PAPSS1: variants seen among roughly 807,000 people sequenced by gnomAD.
The protein encoded by PAPSS1 is 3'-phosphoadenosine 5'-phosphosulfate synthase 1, also known as bifunctional 3'-phosphoadenosine 5'-phosphosulfate synthase 1.
PAPSS1 carries 50 observed loss-of-function variants against 72.0 expected under a neutral mutation model. The observed-to-expected ratio is 0.69, with a 90% CI of 0.55 to 0.88. The LOEUF (loss-of-function observed/expected upper bound fraction) is 0.88. Ranked by LOEUF, PAPSS1 falls within the 40% of genes least tolerant of loss-of-function variation. The probability of loss-of-function intolerance (pLI) is 0.00; values close to 1 mark genes in which losing one functional copy is unlikely to be tolerated. For synonymous variants in PAPSS1, 261 were observed against 263.6 expected (o/e 0.99, Z 0.09); for missense variants, 657 against 782.2 (o/e 0.84, Z 1.91).
At chr4:107,712,734 G>A (rs1312313656) in intron 1 of PAPSS1, among the ~76,000 whole-genome samples, 10 of 151,926 alleles carry the variant, frequency 6.6e-5, no homozygotes, top group Admixed American at 3.9e-4. Flanking sequence ...TTAGCTGGGC[G>A]TGGTGACACG....
At chr4:107,672,734 T>C (rs6822182) in intron 5 of PAPSS1, among the ~76,000 whole-genome samples, 35,280 of 152,118 alleles carry the variant, frequency 0.23, 4,179 homozygotes, top group East Asian at 0.37. Flanking sequence ...TCTCCCAGCA[T>C]GCAGCTGGAG....
At chr4:107,673,877 A>G (rs1348313401) in intron 5 of PAPSS1, among the ~76,000 whole-genome samples, 1 of 152,236 alleles carries the variant, frequency 6.6e-6, no homozygotes, top group African/African-American at 2.4e-5. Context: ...GCCAGAAGAG[A>G]GTGGGGGCCA....
intron 5 of PAPSS1, among the ~76,000 whole-genome samples, chr4:107,674,362 A>G (rs1465161744): frequency 6.6e-6 from 1 of 152,252 alleles, no homozygotes; most frequent in African/African-American, 2.4e-5. Flanking sequence ...TGGAAAACAA[A>G]AAAAGGCAGG....
At chr4:107,639,642 C>T (rs184388445) in intron 10 of PAPSS1, among the ~76,000 whole-genome samples, 1 of 152,186 alleles carries the variant, frequency 6.6e-6, no homozygotes, top group Admixed American at 6.5e-5. Context: ...AATGAGAAGA[C>T]AAAATTATCA....
chr4:107,708,158 C>A (rs1207940801), intron 1 of PAPSS1, among the ~76,000 whole-genome samples: 4 of 152,120 alleles, frequency 2.6e-5, no homozygotes, highest in African/African-American at 9.7e-5. Flanking sequence ...AATACTTTTA[C>A]ATATTTAATA....
At chr4:107,700,465 G>A (rs1723176930) in intron 2 of PAPSS1, among the ~76,000 whole-genome samples, 1 of 152,172 alleles carries the variant, frequency 6.6e-6, no homozygotes, top group African/African-American at 2.4e-5. Flanking sequence ...CTGAATAATA[G>A]AAATTCACTT....
intron 2 of PAPSS1, among the ~76,000 whole-genome samples, chr4:107,699,185 A>G (rs1723146680): frequency 6.6e-6 from 1 of 152,186 alleles, no homozygotes; most frequent in Non-Finnish European, 1.5e-5. Flanking sequence ...AATCTTAGAT[A>G]CAATGCAATC....
chr4:107,657,997 A>G (rs1026956409), intron 6 of PAPSS1, among the ~76,000 whole-genome samples: 11 of 152,058 alleles, frequency 7.2e-5, no homozygotes, highest in African/African-American at 1.7e-4. Context: ...GCTGAATCCA[A>G]TCATAGGGCT....
At chr4:107,645,180 G>C in intron 9 of PAPSS1, 110 bp from the exon 10 acceptor site, 1 of 645,010 alleles carries the variant, frequency 1.6e-6, no homozygotes, top group Non-Finnish European at 2.3e-6. Flanking sequence ...CAAAACATAT[G>C]CAAACTCAGA....
chr4:107,614,802 T>A (rs1725776672), intron 11 of PAPSS1, among the ~76,000 whole-genome samples: 1 of 152,196 alleles, frequency 6.6e-6, no homozygotes, highest in Non-Finnish European at 1.5e-5. Flanking sequence ...TAATTTCTCT[T>A]ATGCACTTAA....
chr4:107,632,511 T>TA (rs11455598), intron 10 of PAPSS1, among the ~76,000 whole-genome samples: 36,555 of 148,040 alleles, frequency 0.25, 4,415 homozygotes, highest in East Asian at 0.37. Flanking sequence ...TAATACTAGT[T>TA]AAAAAAAAAA....
In PAPSS1 at chr4:107,631,685, C is replaced by T. The variant is rs757996244; in HGVS notation, c.1682G>A (p.Arg561Gln). 6 of 1,614,042 alleles carry T rather than the reference C, an allele frequency of 3.7e-6. No individual in the cohort carries two copies. The highest frequency in any genetic ancestry group is 2.2e-5 in the East Asian group (1 of 44,874). Residue 561 changes from arginine (R) to glutamine (Q), a missense_variant, in exon 11 of 12, where the codon CGA (arginine) becomes CAA (glutamine). Around this residue, in one of 7 missense-constraint regions of PAPSS1, gnomAD observed 103 missense variants for 93.8 expected, o/e 1.10. Transcript: ENST00000265174. Reference sequence around the variant, plus strand: ...CTTTTTCTTGTTGTAAGCTGCAACTCGAAAGGGAACTATTTCCAAAGTGAT... The same window carrying T: ...CTTTTTCTTGTTGTAAGCTGCAACTTGAAAGGGAACTATTTCCAAAGTGAT... ...GLITLEIVPFRVAAYNKKKKR... is the reference protein window; with the variant it reads ...GLITLEIVPFQVAAYNKKKKR...
intron 10 of PAPSS1, among the ~76,000 whole-genome samples, chr4:107,638,566 G>A (rs545259760): frequency 6.6e-6 from 1 of 152,106 alleles, no homozygotes; most frequent in African/African-American, 2.4e-5. Flanking sequence ...TGGGGGCTCA[G>A]AGTGGAGACA....
chr4:107,709,406 G>A (rs1487836474), intron 1 of PAPSS1, among the ~76,000 whole-genome samples: 2 of 152,088 alleles, frequency 1.3e-5, no homozygotes, highest in Non-Finnish European at 2.9e-5. Context: ...AGCTAACTTT[G>A]GGAGAAATTT....
chr4:107,684,096 C>T (rs2110337811), intron 4 of PAPSS1, among the ~76,000 whole-genome samples: 1 of 152,310 alleles, frequency 6.6e-6, no homozygotes, highest in African/African-American at 2.4e-5. Flanking sequence ...TACAAACACA[C>T]TCCCAGTTAT....
intron 7 of PAPSS1, among the ~76,000 whole-genome samples, chr4:107,656,355 A>T (rs1467071292): frequency 6.6e-6 from 1 of 152,160 alleles, no homozygotes; most frequent in Non-Finnish European, 1.5e-5. Context: ...ACCTCAGGTG[A>T]TCCACTTCCC....
In PAPSS1 at chr4:107,635,689, A is replaced by AAAAT. The variant is rs913989560; in HGVS notation, c.1507-3833_1507-3830dup. 1.1e-3 allele frequency among the ~76,000 whole-genome samples: 168 copies of AAAAT among 152,284 alleles called. 1 individual carries two copies. The highest frequency in any genetic ancestry group is 3.0e-3 in the African/African-American group (125 of 41,568). ...ACATTTTAAAAATAAAACCACTTAAAAAATAAATAAATAAATAAATAAAAC... is the reference window on the plus strand; with the variant it reads ...ACATTTTAAAAATAAAACCACTTAAAAAATAAATAAATAAATAAATAAATAAAAC... On this transcript the variant is annotated intron_variant, in intron 10 of 11. Transcript: ENST00000265174.
At chr4:107,693,637 G>T in intron 3 of PAPSS1, 134 bp downstream of exon 3, 1 of 639,804 alleles carries the variant, frequency 1.6e-6, no homozygotes, top group Non-Finnish European at 2.8e-6. Context: ...TATGTTACAG[G>T]AACAAAGAGA....
chr4:107,660,714 G>A (rs1727156755), intron 5 of PAPSS1, among the ~76,000 whole-genome samples: 1 of 152,062 alleles, frequency 6.6e-6, no homozygotes, highest in African/African-American at 2.4e-5. Context: ...TGCTCATTAG[G>A]AGCTCTTTAC....
Sources: gnomAD v4.1 joint callset for allele counts (sites outside exome capture counted in the v4.1 genomes callset) on GRCh38, gnomAD v4.1.1 for gene constraint, gnomAD v4.1.1 regional missense constraint, MANE v1.5 for transcripts, NCBI Gene and HGNC (gene_info 2026-07-23, HGNC 2026-07-21) for gene names.